The following PMVK variants were observed in gnomAD, a reference collection of about 807,000 sequenced individuals.
The protein encoded by PMVK is phosphomevalonate kinase.
PMVK carries 10 observed loss-of-function variants against 19.0 expected under a neutral mutation model. The ratio of observed to expected loss-of-function variants is 0.53; its 90% confidence interval spans 0.32 to 0.89. The LOEUF (loss-of-function observed/expected upper bound fraction) is 0.89. PMVK is among the 40% of genes least tolerant of loss of function. PMVK has a pLI of 0.03. For synonymous variants in PMVK, 108 were observed against 101.6 expected (o/e 1.06, Z -0.38); for missense variants, 222 against 251.1 (o/e 0.88, Z 0.78).
chr1:154,942,459 T>TA, the PMVK span, among the ~76,000 whole-genome samples: 71 of 152,304 alleles, frequency 4.7e-4, 4 homozygotes, highest in South Asian at 0.014. Context: ...ATGGGTGTGT[T>TA]AGAGAGAGGG....
chr1:154,928,095 G>T (rs915746057), intron 3 of PMVK, among the ~76,000 whole-genome samples: 2 of 152,080 alleles, frequency 1.3e-5, no homozygotes, highest in African/African-American at 4.8e-5. Context: ...CAGAATGAAT[G>T]AGGAAAAAAA....
chr1:154,931,819 T>C (rs16836530), intron 2 of PMVK, among the ~76,000 whole-genome samples: 113 of 151,990 alleles, frequency 7.4e-4, no homozygotes, highest in African/African-American at 2.6e-3. Context: ...TGGGACTAAA[T>C]TTCTTTTTTG....
rs1468874525 is a variant in PMVK at position 154,936,678 on chromosome 1, G to T, written c.8C>A (p.Pro3Gln). Residue 3 changes from proline (P) to glutamine (Q), a missense_variant, in exon 1 of 5, where the codon CCG becomes CAG. Coordinates refer to ENST00000368467, the MANE Select transcript of PMVK (RefSeq NM_006556.4). MA[P>Q]LGGAPRLVLL... Reference sequence around the variant, plus strand: ...TACCAGCCGCGGGGCGCCTCCCAGCGGGGCCATGGGGCCGCCACGCCTCGC... The same window carrying T: ...TACCAGCCGCGGGGCGCCTCCCAGCTGGGCCATGGGGCCGCCACGCCTCGC... 6.2e-7 allele frequency: 1 copy of T among 1,603,732 alleles called. No homozygotes were observed. Among genetic ancestry groups the T allele is most frequent in the Admixed American group, 1.7e-5 (1 of 58,542 alleles).
intron 3 of PMVK, among the ~76,000 whole-genome samples, chr1:154,927,363 G>A (rs986180229): frequency 8.3e-5 from 12 of 144,240 alleles, no homozygotes; most frequent in African/African-American, 2.4e-4. Flanking sequence ...CACAAGAATC[G>A]CTTAAACCCA....
the PMVK span, among the ~76,000 whole-genome samples, chr1:154,941,908 C>G: frequency 6.6e-5 from 10 of 151,956 alleles, no homozygotes; most frequent in South Asian, 1.7e-3. Context: ...GCTGAGGGCA[C>G]TGGGGAAAGG....
chr1:154,940,769 T>C (rs1654624063), upstream of PMVK, among the ~76,000 whole-genome samples: 1 of 152,168 alleles, frequency 6.6e-6, no homozygotes, highest in Non-Finnish European at 1.5e-5. Flanking sequence ...CCCCACAGCA[T>C]CTAGCACAGT....
intron 1 of PMVK, chr1:154,936,331 T>C: frequency 1.1e-6 from 1 of 935,780 alleles, no homozygotes; most frequent in Non-Finnish European, 1.3e-6. Context: ...AGTGCCTTCG[T>C]AGGAACCATT....
At chr1:154,936,250 T>G in intron 1 of PMVK, 4 of 287,030 alleles carry the variant, frequency 1.4e-5, no homozygotes, top group Non-Finnish European at 2.1e-5. Flanking sequence ...CCCAGCTACT[T>G]TTTGGATTTT....
intron 1 of PMVK, among the ~76,000 whole-genome samples, chr1:154,935,689 T>C (rs1035408577): frequency 6.6e-6 from 1 of 152,196 alleles, no homozygotes; most frequent in Non-Finnish European, 1.5e-5. Context: ...TAACTTCGTA[T>C]GTTATTTTAT....
At chr1:154,929,974 C>T (rs1030666608) in intron 2 of PMVK, among the ~76,000 whole-genome samples, 1 of 152,206 alleles carries the variant, frequency 6.6e-6, no homozygotes, top group African/African-American at 2.4e-5. Flanking sequence ...CCACCTCCTG[C>T]TCCTGAACCA....
At chr1:154,932,494 C>A in intron 1 of PMVK, 79 bp from the exon 2 acceptor site, 2 of 972,106 alleles carry the variant, frequency 2.1e-6, no homozygotes, top group South Asian at 1.6e-5. Context: ...AGTCAAGAGG[C>A]CTGTGTTGAA....
Position 154,936,629 on chromosome 1 carries a change from T to C in PMVK, c.57A>G (p.Lys19=), listed in dbSNP as rs2101975327. 6.2e-7 allele frequency: 1 copy of C among 1,609,684 alleles called. No homozygotes were observed. Among genetic ancestry groups the C allele is most frequent in the South Asian group, 1.1e-5 (1 of 89,998 alleles). The change falls in exon 1 of 5, where the codon AAA becomes AAG. Residue 19 remains lysine, a synonymous_variant. Transcript: ENST00000368467. ...RLVLLFSGKR[K]SGKDFVTEAL... is the part of the protein sequence containing the mutation. Reference sequence around the variant, plus strand: ...CCTCGGTCACGAAGTCCTTCCCGGATTTCCTCTTGCCGCTGAACAGCAGTA... The same window carrying C: ...CCTCGGTCACGAAGTCCTTCCCGGACTTCCTCTTGCCGCTGAACAGCAGTA...
intron 2 of PMVK, among the ~76,000 whole-genome samples, 164 bp downstream of exon 2, chr1:154,932,188 T>A (rs1053806310): frequency 6.6e-6 from 1 of 152,096 alleles, no homozygotes; most frequent in Non-Finnish European, 1.5e-5. Flanking sequence ...AAATATAAGC[T>A]GAAAATGCCC....
intron 1 of PMVK, 58 bp from the exon 2 acceptor site, chr1:154,932,473 C>A: frequency 7.9e-7 from 1 of 1,265,082 alleles, no homozygotes; most frequent in Non-Finnish European, 1.1e-6. Flanking sequence ...GCTTCCATGT[C>A]CCAGAAAGGG....
rs1654363415 is a variant in PMVK at position 154,932,374 on chromosome 1, G to A, written c.137C>T (p.Pro46Leu). ...DVCAVLRLSG[P>L]LKEQYAQEHG... ...TACCTGAGCATACTGTTCCTTGAGT[G>A]GACCAGAGAGCCGGAGGACAGCACA... is the stretch of plus-strand genomic sequence containing the variant. The change falls in exon 2 of 5, where the codon CCA becomes CTA. Residue 46 changes from proline (P) to leucine (L), a missense_variant. Coordinates refer to ENST00000368467, the MANE Select transcript of PMVK (RefSeq NM_006556.4). 1 of 1,613,186 alleles carries A rather than the reference G, an allele frequency of 6.2e-7. No homozygotes were observed. Among genetic ancestry groups the A allele is most frequent in the South Asian group, 1.1e-5 (1 of 91,044 alleles).
At chr1:154,940,398 C>G (rs935180966), upstream of PMVK, among the ~76,000 whole-genome samples, 53 of 152,316 alleles carry the variant, frequency 3.5e-4, no homozygotes, top group African/African-American at 1.3e-3. Flanking sequence ...GGGCCCTGCT[C>G]TGGAGAGGAA....
At position 154,925,236 on chromosome 1, in the gene PMVK, G is replaced by C. The variant is rs764835087; in HGVS notation, c.472C>G (p.Leu158Val). 1 of 1,614,106 alleles carries C rather than the reference G, an allele frequency of 6.2e-7. No homozygotes were observed. The highest frequency in any genetic ancestry group is 1.1e-5 in the South Asian group (1 of 91,084). ...CAGTCAAAGTCCCCGAAGTTGTCCA[G>C]GCCACATTCTGACTCAGCATCGTCC... ...GVDDAESECGLDNFGDFDWVI... is the reference protein window; with the variant it reads ...GVDDAESECGVDNFGDFDWVI... Residue 158 changes from leucine to valine, a missense_variant, in exon 5 of 5, where the codon CTG becomes GTG. Leu to Val is a conservative substitution (Grantham distance 32, BLOSUM62 1). Coordinates refer to ENST00000368467, the MANE Select transcript of PMVK (RefSeq NM_006556.4).
chr1:154,931,830 T>C (rs2101970498), intron 2 of PMVK, among the ~76,000 whole-genome samples: 1 of 151,922 alleles, frequency 6.6e-6, no homozygotes, highest in African/African-American at 2.4e-5. Flanking sequence ...TTCTTTTTTG[T>C]GTGTTGTTGT....
chr1:154,928,202 G>A (rs544600341), intron 3 of PMVK, among the ~76,000 whole-genome samples: 2 of 152,340 alleles, frequency 1.3e-5, no homozygotes, highest in East Asian at 3.9e-4. Context: ...CAACTGAGCT[G>A]AAGCTAACCA....
Sources: gnomAD v4.1 joint callset for allele counts (sites outside exome capture counted in the v4.1 genomes callset) on GRCh38, gnomAD v4.1.1 for gene constraint, MANE v1.5 for transcripts, NCBI Gene and HGNC (gene_info 2026-07-23, HGNC 2026-07-21) for gene names.